TOLLIP: variants seen among roughly 807,000 people sequenced by gnomAD.
TOLLIP encodes toll-interacting protein.
TOLLIP carries 16 observed loss-of-function variants against 33.5 expected under a neutral mutation model. The ratio of observed to expected loss-of-function variants is 0.48; its 90% CI spans 0.32 to 0.72. The LOEUF is 0.72. Ranked by LOEUF, TOLLIP falls within the 30% of genes least tolerant of loss-of-function variation. The pLI, the probability that TOLLIP is intolerant of heterozygous loss-of-function variation, is 0.03. For missense variants in TOLLIP, 325 were observed against 396.6 expected (o/e 0.82, Z 1.53); for synonymous variants, 176 against 163.7 (o/e 1.07, Z -0.57).
chr11:1,292,161 AT>A (rs1445248057), intron 2 of TOLLIP: 1 of 152,206 alleles, frequency 6.6e-6, no homozygotes, highest in Non-Finnish European at 1.5e-5. Context: ...GCAGCTTCCA[AT>A]TCCCTTCTGC....
rs1487770568 is a variant in TOLLIP, at chr11:1,290,187, C to T, written c.366+40G>A. On this transcript the variant is annotated intron_variant, in intron 3 of 5. Transcript: ENST00000317204. The surrounding 1 kb of genome is among the most constrained non-coding windows in gnomAD (Gnocchi z 4.9). ...GTGTCCCCACGGCAGCCACGCTCAGCCACGTGCAGCCTCCATAATAGCTGG... is the reference window on the plus strand; with the variant it reads ...GTGTCCCCACGGCAGCCACGCTCAGTCACGTGCAGCCTCCATAATAGCTGG... The T allele has an allele frequency of 1.9e-6, 3 of 1,592,994 alleles. No homozygotes were observed. The highest frequency in any genetic ancestry group is 4.5e-5 in the East Asian group (2 of 44,290).
rs1864348044 is a variant in TOLLIP at position 1,303,682 on chromosome 11, C to A, written c.33+5784G>T. Among the ~76,000 whole-genome samples, 1 of 152,216 alleles carries A rather than the reference C, an allele frequency of 6.6e-6. No homozygotes were observed. The highest frequency in any genetic ancestry group is 2.1e-4 in the South Asian group (1 of 4,834). ...GACTCAGGGACAGGAAACACTTGCACAGCAGGCCTAACCAGGGGCCTGTCG... is the reference window on the plus strand; with the variant it reads ...GACTCAGGGACAGGAAACACTTGCAAAGCAGGCCTAACCAGGGGCCTGTCG... On this transcript the variant is annotated intron_variant, in intron 1 of 5. Transcript: ENST00000317204. This position sits in a 1 kb window ranked among gnomAD's most constrained non-coding sequence, Gnocchi z 4.2.
In TOLLIP at chr11:1,295,734, G is replaced by T; in HGVS notation, c.94C>A (p.Gln32Lys). 6.2e-7 allele frequency: 1 copy of T among 1,610,112 alleles called. No homozygotes were observed. The highest frequency in any genetic ancestry group is 8.5e-7 in the Non-Finnish European group (1 of 1,178,482). Reference sequence around the variant, plus strand: ...GCCGCCTGGGCGTCCAGCTGGACCTGCCGCTGCTGCTGTGTGGGCGTGATG... The same window carrying T: ...GCCGCCTGGGCGTCCAGCTGGACCTTCCGCTGCTGCTGTGTGGGCGTGATG... Reference protein sequence around the residue: ...LRITPTQQQRQVQLDAQAAQQ... With the variant: ...LRITPTQQQRKVQLDAQAAQQ... The change falls in exon 2 of 6, where the codon CAG becomes AAG. Residue 32 changes from glutamine to lysine, a missense_variant. By Grantham distance (53) the Gln-to-Lys change is moderately conservative (BLOSUM62 1). Coordinates refer to ENST00000317204, the MANE Select transcript of TOLLIP (RefSeq NM_019009.4).
Position 1,290,474 on chromosome 11 carries a change from C to T in TOLLIP, c.184-65G>A. On this transcript the variant is annotated intron_variant, in intron 2 of 5. Coordinates refer to ENST00000317204, the MANE Select transcript of TOLLIP (RefSeq NM_019009.4). This position sits in a 1 kb window ranked among gnomAD's most constrained non-coding sequence, Gnocchi z 4.9. Reference sequence around the variant, plus strand: ...ATCAGGAGAGGGTGGGTTCTCTAGGCCGTCTGCCTCCCTGAACCCTTCCAC... The same window carrying T: ...ATCAGGAGAGGGTGGGTTCTCTAGGTCGTCTGCCTCCCTGAACCCTTCCAC... The T allele has an allele frequency of 6.7e-7, 1 of 1,500,132 alleles. No homozygotes were observed. Among genetic ancestry groups the T allele is most frequent in the Non-Finnish European group, 9.2e-7 (1 of 1,087,648 alleles). The allele number at this position is 1,500,132 out of a possible 1,614,324, so 92.9% of individuals were successfully genotyped here. A position where few individuals can be genotyped will look rare whatever the true frequency, so the allele number is the denominator to read the frequency against.
chr11:1,306,495 G>A (rs894023456), intron 1 of TOLLIP, among the ~76,000 whole-genome samples: 4 of 152,100 alleles, frequency 2.6e-5, no homozygotes, highest in Non-Finnish European at 4.4e-5. Flanking sequence ...AAAGCTGAGC[G>A]AGCGCCCTGC....
At position 1,275,192 on chromosome 11, in the gene TOLLIP, G is replaced by A. The variant is rs886172784; in HGVS notation, c.*1847C>T. 79 of 152,340 alleles carry A rather than the reference G, an allele frequency of 5.2e-4. No homozygotes were observed. Among genetic ancestry groups the A allele is most frequent in the African/African-American group, 1.8e-3 (74 of 41,588 alleles). 9.4% of individuals were successfully genotyped at this position (152,340 alleles called of 1,614,324 possible). A position where few individuals can be genotyped will look rare whatever the true frequency, so the allele number is the denominator to read the frequency against. Reference sequence around the variant, plus strand: ...ACGGGCTGCTCAAGGGCTGGCAGCAGGGGCCACGTCCTCTCTAGGAGACAC... The same window carrying A: ...ACGGGCTGCTCAAGGGCTGGCAGCAAGGGCCACGTCCTCTCTAGGAGACAC... On this transcript the variant is annotated 3_prime_UTR_variant, in exon 6 of 6. Transcript: ENST00000317204.
In TOLLIP at chr11:1,275,020, C is replaced by G. The variant is rs1863242880; in HGVS notation, c.*2019G>C. On this transcript the variant is annotated 3_prime_UTR_variant, in exon 6 of 6. Transcript: ENST00000317204. ...AAGAAGAATCTTATTTAATTAAAGG[C>G]CTTGCAAAATGTGATTTGTCTATTA... 1 of 152,216 alleles carries G rather than the reference C, an allele frequency of 6.6e-6. No individual in the cohort carries two copies. Among genetic ancestry groups the G allele is most frequent in the East Asian group, 1.9e-4 (1 of 5,178 alleles). The allele number at this position is 152,216 out of a possible 1,614,324, so 9.4% of individuals were successfully genotyped here.
At chr11:1,288,368 G>A (rs1273178449) in intron 4 of TOLLIP, among the ~76,000 whole-genome samples, 5 of 152,196 alleles carry the variant, frequency 3.3e-5, no homozygotes, top group African/African-American at 1.2e-4. Context: ...CAAAGGGTTG[G>A]CTCATCTTAG....
In TOLLIP at chr11:1,309,493, C is replaced by T. The variant is rs1192550966; in HGVS notation, c.6G>A (p.Ala2=). Residue 2 remains alanine, a synonymous_variant, in exon 1 of 6, where the codon GCG becomes GCA. Coordinates refer to ENST00000317204, the MANE Select transcript of TOLLIP (RefSeq NM_019009.4). ...GCCCGCGCTGAGTGCTGACGGTGGT[C>T]GCCATGGTGCTGCGGCGGCCCCCGT... is the stretch of plus-strand genomic sequence containing the variant. M[A]TTVSTQRGPV... is the part of the protein sequence containing the mutation. 5 of 1,337,688 alleles carry T rather than the reference C, an allele frequency of 3.7e-6. No homozygotes were observed. The highest frequency in any genetic ancestry group is 4.8e-6 in the Non-Finnish European group (5 of 1,037,648). The allele number at this position is 1,337,688 out of a possible 1,614,324, so 82.9% of individuals were successfully genotyped here. A position where few individuals can be genotyped will look rare whatever the true frequency, so the allele number is the denominator to read the frequency against.
chr11:1,297,612 C>G (rs188591370), intron 1 of TOLLIP, among the ~76,000 whole-genome samples: 1 of 152,274 alleles, frequency 6.6e-6, no homozygotes, highest in East Asian at 1.9e-4. Flanking sequence ...GGACACGTCA[C>G]GAGTGACCTT....
chr11:1,283,648 T>A, intron 5 of TOLLIP: 1 of 446,582 alleles, frequency 2.2e-6, no homozygotes, highest in South Asian at 1.6e-5. Context: ...AAATAAACGT[T>A]TTAGAGCAAA....
chr11:1,292,947 T>C (rs1258156727), intron 2 of TOLLIP, among the ~76,000 whole-genome samples: 1 of 152,076 alleles, frequency 6.6e-6, no homozygotes, highest in Non-Finnish European at 1.5e-5. Flanking sequence ...GAGGAAAACA[T>C]GGGCCCAGCT....
chr11:1,280,569 G>A (rs1211373151), intron 5 of TOLLIP, among the ~76,000 whole-genome samples: 1 of 152,072 alleles, frequency 6.6e-6, no homozygotes, highest in African/African-American at 2.4e-5. Context: ...GGTGCACGAG[G>A]GAACAGATGG....
chr11:1,295,683 C>T lies in TOLLIP; in HGVS notation c.145G>A (p.Val49Met). 1 of 1,607,488 alleles carries T rather than the reference C, an allele frequency of 6.2e-7. No individual in the cohort carries two copies. The highest frequency in any genetic ancestry group is 8.5e-7 in the Non-Finnish European group (1 of 1,176,046). Residue 49 changes from valine to methionine, a missense_variant, in exon 2 of 6, where the codon GTG (valine) becomes ATG (methionine). By Grantham distance (21) the Val-to-Met change is conservative (BLOSUM62 1). Coordinates refer to ENST00000317204, the MANE Select transcript of TOLLIP (RefSeq NM_019009.4). Reference sequence around the variant, plus strand: ...ATGTTCAGTCGGCCCACGGTGCCCACTGCGCCTCCGTACTGCAGCTGCTGG... The same window carrying T: ...ATGTTCAGTCGGCCCACGGTGCCCATTGCGCCTCCGTACTGCAGCTGCTGG... ...AAQQLQYGGAVGTVGRLNITV... is the reference protein window; with the variant it reads ...AAQQLQYGGAMGTVGRLNITV...
intron 4 of TOLLIP, among the ~76,000 whole-genome samples, chr11:1,288,163 G>A (rs915772451): frequency 1.3e-5 from 2 of 152,250 alleles, no homozygotes; most frequent in African/African-American, 4.8e-5. Flanking sequence ...CAGCCCCCAG[G>A]CTTCCCCGAC....
intron 4 of TOLLIP, among the ~76,000 whole-genome samples, chr11:1,286,811 G>A (rs1452485146): frequency 1.3e-5 from 2 of 151,944 alleles, no homozygotes; most frequent in South Asian, 2.1e-4. Context: ...ACTGTCAACC[G>A]TGGATAAGTC....
chr11:1,294,296 G>A (rs1354701268), intron 2 of TOLLIP, among the ~76,000 whole-genome samples: 10 of 74,678 alleles, frequency 1.3e-4, no homozygotes, highest in Non-Finnish European at 2.1e-4. Context: ...GAAAGCCCGC[G>A]TGGCTCACAG....
chr11:1,283,943 T>C (rs568971046), intron 5 of TOLLIP, among the ~76,000 whole-genome samples: 2 of 152,222 alleles, frequency 1.3e-5, no homozygotes, highest in Non-Finnish European at 2.9e-5. Context: ...TTCTTTCAGG[T>C]TGGCCATTGG....
intron 5 of TOLLIP, among the ~76,000 whole-genome samples, chr11:1,279,480 C>T (rs956333610): frequency 1.3e-5 from 2 of 152,198 alleles, no homozygotes; most frequent in East Asian, 1.9e-4. Flanking sequence ...TGGGGCCTGG[C>T]GGAGAGCAAA....
Sources: gnomAD v4.1 joint callset for allele counts (sites outside exome capture counted in the v4.1 genomes callset) on GRCh38, gnomAD v4.1.1 for gene constraint, Gnocchi (gnomAD v3.1) non-coding constraint, MANE v1.5 for transcripts, NCBI Gene and HGNC (gene_info 2026-07-23, HGNC 2026-07-21) for gene names.